The following LRRFIP1 variants were observed in gnomAD, a reference collection of about 807,000 sequenced individuals.
The protein encoded by LRRFIP1 is LRR binding FLII interacting protein 1, also known as leucine-rich repeat flightless-interacting protein 1.
Under a neutral mutation model 104.4 loss-of-function variants are expected in LRRFIP1, and 62 were observed. The ratio of observed to expected loss-of-function variants is 0.59; its 90% confidence interval spans 0.48 to 0.73. The LOEUF is 0.73. Among genes scored for constraint, LRRFIP1 ranks in the 30% least tolerant of loss-of-function variants. The pLI is 0.00. For missense variants in LRRFIP1, 796 were observed against 824.5 expected (o/e 0.97, Z 0.42); for synonymous variants, 300 against 299.0 (o/e 1.00, Z -0.03).
chr2:237,679,056 C>T (rs1411931855), intron 1 of LRRFIP1, among the ~76,000 whole-genome samples: 6 of 152,206 alleles, frequency 3.9e-5, no homozygotes, highest in Admixed American at 2.6e-4. Flanking sequence ...TCTGTGCTCC[C>T]TGTCACCACA....
At chr2:237,654,702 C>T (rs1411084899) in intron 1 of LRRFIP1, among the ~76,000 whole-genome samples, 1 of 152,138 alleles carries the variant, frequency 6.6e-6, no homozygotes, top group Non-Finnish European at 1.5e-5. Flanking sequence ...AGGCACCTGC[C>T]AGCACGCCTG....
At chr2:237,763,311 C>T in intron 19 of LRRFIP1, 2 of 1,614,108 alleles carry the variant, frequency 1.2e-6, no homozygotes, top group Non-Finnish European at 1.7e-6. Flanking sequence ...CAGGAAGCGA[C>T]AGGTCCAAGT....
intron 17 of LRRFIP1, among the ~76,000 whole-genome samples, 165 bp from the exon 18 acceptor site, chr2:237,758,564 A>T (rs1273786330): frequency 6.6e-6 from 1 of 152,242 alleles, no homozygotes; most frequent in Non-Finnish European, 1.5e-5. Context: ...CTAAGCGAAA[A>T]GCTTAATACT....
rs1014047385 is a variant in LRRFIP1 at position 237,717,658 on chromosome 2, G to A, written c.202-104G>A. On this transcript the variant is annotated intron_variant, in intron 3 of 23. Transcript: ENST00000308482. The surrounding 1 kb of genome is among the most constrained non-coding windows in gnomAD (Gnocchi z 4.2). ...CCTTGGCGTGTTACCTTCACCACACGGCTGGATGGCGGTTTGGAAATGCAT... is the reference window on the plus strand; with the variant it reads ...CCTTGGCGTGTTACCTTCACCACACAGCTGGATGGCGGTTTGGAAATGCAT... The A allele has an allele frequency of 2.2e-5, 20 of 906,366 alleles. No homozygotes were observed. Among genetic ancestry groups the A allele is most frequent in the Admixed American group, 3.4e-5 (2 of 58,888 alleles). 56.1% of individuals were successfully genotyped at this position (906,366 alleles called of 1,614,324 possible). A position where few individuals can be genotyped will look rare whatever the true frequency, so the allele number is the denominator to read the frequency against.
At chr2:237,746,639 G>A (rs1035818386) in intron 11 of LRRFIP1, among the ~76,000 whole-genome samples, 12 of 152,180 alleles carry the variant, frequency 7.9e-5, no homozygotes, top group Admixed American at 2.6e-4. Context: ...CTCTAGATGT[G>A]CATTTCGACA....
chr2:237,663,055 C>G (rs1242169309), intron 1 of LRRFIP1, among the ~76,000 whole-genome samples: 2 of 152,190 alleles, frequency 1.3e-5, no homozygotes, highest in African/African-American at 4.8e-5. Context: ...CGGGAGCCGG[C>G]AGGGAGCTGG....
chr2:237,746,535 C>T (rs184564280), intron 11 of LRRFIP1, among the ~76,000 whole-genome samples: 129 of 152,278 alleles, frequency 8.5e-4, no homozygotes, highest in Non-Finnish European at 9.0e-4. Context: ...TCTGTCCCAT[C>T]GGAGTCTGCC....
chr2:237,658,570 A>G (rs1479866881), intron 1 of LRRFIP1, among the ~76,000 whole-genome samples: 1 of 152,240 alleles, frequency 6.6e-6, no homozygotes, highest in Non-Finnish European at 1.5e-5. Flanking sequence ...TATAAAGGAA[A>G]GAGGTTTAAT....
At chr2:237,755,703 G>C (rs958148194) in intron 15 of LRRFIP1, among the ~76,000 whole-genome samples, 2 of 152,344 alleles carry the variant, frequency 1.3e-5, no homozygotes, top group African/African-American at 4.8e-5. Context: ...GGAGGCTGGG[G>C]CAGGTGGATC....
rs774973888 is a variant in LRRFIP1, at chr2:237,711,898, C to T, written c.184-2361C>T. Among the ~76,000 whole-genome samples the T allele has an allele frequency of 1.3e-5, 2 of 152,214 alleles. No individual in the cohort carries two copies. Among genetic ancestry groups the T allele is most frequent in the African/African-American group, 2.4e-5 (1 of 41,462 alleles). On this transcript the variant is annotated intron_variant, in intron 2 of 23. Coordinates refer to ENST00000308482, the MANE Select transcript of LRRFIP1 (RefSeq NM_001137550.2). The surrounding 1 kb of genome is among the most constrained non-coding windows in gnomAD (Gnocchi z 4.4). The stretch of plus-strand genomic sequence containing the variant: ...GGAAGGGCCAGCCCAGTCAGCCCAG[C>T]GCAGCACGCGTTCCTAACGGCGGCA...
intron 22 of LRRFIP1, among the ~76,000 whole-genome samples, chr2:237,773,662 G>T (rs1465348939): frequency 1.3e-5 from 2 of 152,180 alleles, no homozygotes; most frequent in Admixed American, 1.3e-4. Context: ...CTGGTGTCTA[G>T]ACATGGGGCA....
chr2:237,692,126 G>GCCGCGGGGCGTAGCCGGGAGGGC (rs2092825267), intron 1 of LRRFIP1: 1 of 806,646 alleles, frequency 1.2e-6, no homozygotes, highest in African/African-American at 2.4e-5. Context: ...AGCCGGGAGG[G>GCCGCGGGGCGTAGCCGGGAGGGC]CCCCTCCGAG....
intron 7 of LRRFIP1, among the ~76,000 whole-genome samples, chr2:237,725,655 A>G (rs73100831): frequency 6.6e-6 from 1 of 152,356 alleles, no homozygotes; most frequent in African/African-American, 2.4e-5. Context: ...TAGGTTCCTT[A>G]TGATAGAATT....
chr2:237,715,820 C>G (rs1381810199), intron 3 of LRRFIP1, among the ~76,000 whole-genome samples: 1 of 152,240 alleles, frequency 6.6e-6, no homozygotes, highest in Non-Finnish European at 1.5e-5. Context: ...GTTTGCCCTT[C>G]CTGGACTTTG....
intron 1 of LRRFIP1, among the ~76,000 whole-genome samples, chr2:237,676,102 T>A (rs1359342871): frequency 1.3e-5 from 2 of 152,238 alleles, no homozygotes; most frequent in African/African-American, 4.8e-5. Flanking sequence ...AAACTGAAAT[T>A]CTGTACACAT....
chr2:237,697,754 G>A (rs1302379234), intron 1 of LRRFIP1, among the ~76,000 whole-genome samples: 1 of 152,224 alleles, frequency 6.6e-6, no homozygotes, highest in Non-Finnish European at 1.5e-5. Flanking sequence ...GAGCCCAGAC[G>A]TGCTGCCTGG....
chr2:237,757,348 G>A (rs3769056), intron 16 of LRRFIP1, 108 bp from the exon 17 acceptor site: 6,832 of 678,616 alleles, frequency 0.01, 187 homozygotes, highest in East Asian at 0.083. Context: ...TGAGGTGAAA[G>A]AGTGCTTGCG....
intron 1 of LRRFIP1, among the ~76,000 whole-genome samples, chr2:237,696,914 G>T (rs976238426): frequency 6.6e-6 from 1 of 152,236 alleles, no homozygotes; most frequent in Non-Finnish European, 1.5e-5. Context: ...TCTTAGGACA[G>T]AAGTCCTTGT....
chr2:237,717,733 G>T lies in LRRFIP1; in HGVS notation c.202-29G>T, dbSNP rs1286234148. On this transcript the variant is annotated intron_variant, in intron 3 of 23. Coordinates refer to ENST00000308482, the MANE Select transcript of LRRFIP1 (RefSeq NM_001137550.2). This position sits in a 1 kb window ranked among gnomAD's most constrained non-coding sequence, Gnocchi z 4.2. ...GCCTTTTTAAGAAATTTCACTTCTTGCCTAATTTTCTTTCCCTTCTGTCTA... is the reference window on the plus strand; with the variant it reads ...GCCTTTTTAAGAAATTTCACTTCTTTCCTAATTTTCTTTCCCTTCTGTCTA... 1 of 1,569,438 alleles carries T rather than the reference G, an allele frequency of 6.4e-7. No homozygotes were observed. Among genetic ancestry groups the T allele is most frequent in the African/African-American group, 1.4e-5 (1 of 73,970 alleles).
Sources: gnomAD v4.1 joint callset for allele counts (sites outside exome capture counted in the v4.1 genomes callset) on GRCh38, gnomAD v4.1.1 for gene constraint, Gnocchi (gnomAD v3.1) non-coding constraint, MANE v1.5 for transcripts, NCBI Gene and HGNC (gene_info 2026-07-23, HGNC 2026-07-21) for gene names.